The following CACNB2 variants were observed in gnomAD, a reference collection of about 807,000 sequenced individuals.
CACNB2 encodes calcium voltage-gated channel auxiliary subunit beta 2.
In CACNB2, 42 loss-of-function variants were observed where a neutral mutation model predicts 73.3. The observed-to-expected ratio is 0.57, with a 90% confidence interval of 0.45 to 0.74. The LOEUF (loss-of-function observed/expected upper bound fraction) is 0.74, where lower values mean the gene tolerates loss of function less well. Among genes scored for constraint, CACNB2 ranks in the 30% least tolerant of loss-of-function variants. The pLI is 0.00. For synonymous variants in CACNB2, 348 were observed against 310.3 expected, an observed-to-expected ratio of 1.12 and a Z score of -1.28; for missense variants, 940 against 853.0, an observed-to-expected ratio of 1.10 and a Z score of -1.27.
chr10:18,374,849 C>G (rs1420549075), intron 2 of CACNB2, among the ~76,000 whole-genome samples: 1 of 152,122 alleles, frequency 6.6e-6, no homozygotes, highest in Non-Finnish European at 1.5e-5. Context: ...GATAAAGAAA[C>G]TCAGCCTTAG....
At chr10:18,464,201 C>G (rs1203692960) in intron 3 of CACNB2, among the ~76,000 whole-genome samples, 1 of 150,404 alleles carries the variant, frequency 6.6e-6, no homozygotes, top group Admixed American at 6.7e-5. Context: ...TAGGGACAGA[C>G]AGACTCCTAT....
chr10:18,538,887 T>G (rs1018481169), intron 13 of CACNB2, among the ~76,000 whole-genome samples: 1 of 152,092 alleles, frequency 6.6e-6, no homozygotes, highest in Non-Finnish European at 1.5e-5. Flanking sequence ...GCAGAGGTAG[T>G]TAAGTTTACA....
At chr10:18,344,983 G>C (rs865815639) in intron 2 of CACNB2, among the ~76,000 whole-genome samples, 30 of 152,134 alleles carry the variant, frequency 2.0e-4, no homozygotes, top group Admixed American at 6.5e-5. Flanking sequence ...CTTATTTTGA[G>C]ATCACTGTTT....
intron 3 of CACNB2, among the ~76,000 whole-genome samples, chr10:18,413,807 A>C (rs952218436): frequency 6.6e-6 from 1 of 152,148 alleles, no homozygotes; most frequent in South Asian, 2.1e-4. Context: ...TTCCAGTGAT[A>C]ATTGAATAAG....
intron 3 of CACNB2, among the ~76,000 whole-genome samples, chr10:18,461,783 T>TTTTTTTTTTTG (rs1170783661): frequency 4.0e-5 from 6 of 148,722 alleles, no homozygotes; most frequent in African/African-American, 1.5e-4. Context: ...TTTTTTTTTT[T>TTTTTTTTTTTG]TTTGGCGTTG....
intron 2 of CACNB2, among the ~76,000 whole-genome samples, chr10:18,290,112 C>CTTTTTTTTTTTTTT (rs992393946): frequency 0.02 from 1,010 of 50,230 alleles, 64 homozygotes; most frequent in Non-Finnish European, 0.028. Context: ...TTTTCTTTTT[C>CTTTTTTTTTTTTTT]TTTTTTTTTT....
At chr10:18,395,906 T>G (rs1056292883) in intron 2 of CACNB2, among the ~76,000 whole-genome samples, 6 of 152,216 alleles carry the variant, frequency 3.9e-5, no homozygotes, top group African/African-American at 1.4e-4. Flanking sequence ...GCACGCTATG[T>G]CATTTTTCAG....
Position 18,233,451 on chromosome 10 carries a change from TTCTC to T in CACNB2, c.213+82486_213+82489del, listed in dbSNP as rs1295412928. ...TAGTCTCTAGTGGAAACATCTTTTT[TTCTC>T]TCTCTCTCTATTGCTCTGCTAGCTA... is the stretch of plus-strand genomic sequence containing the variant. On this transcript the variant is annotated intron_variant, in intron 2 of 13. Coordinates refer to ENST00000324631, the MANE Select transcript of CACNB2 (RefSeq NM_201596.3). Among the ~76,000 whole-genome samples the T allele has an allele frequency of 3.3e-5, 5 of 151,966 alleles. No homozygotes were observed. The South Asian group carries it at 1.0e-3, about 32-fold the overall frequency.
intron 2 of CACNB2, among the ~76,000 whole-genome samples, chr10:18,285,474 A>G (rs183269382): frequency 5.5e-4 from 84 of 152,326 alleles, no homozygotes; most frequent in African/African-American, 1.9e-3. Context: ...GTGAGCCATC[A>G]TGGATGTCCA....
chr10:18,370,033 A>G (rs1324624940), intron 2 of CACNB2, among the ~76,000 whole-genome samples: 2 of 152,238 alleles, frequency 1.3e-5, no homozygotes, highest in African/African-American at 4.8e-5. Context: ...TTTGGCATGC[A>G]CTAGTCAACA....
chr10:18,364,300 ATTT>A (rs10611857), intron 2 of CACNB2, among the ~76,000 whole-genome samples: 95 of 145,296 alleles, frequency 6.5e-4, no homozygotes, highest in East Asian at 5.0e-3. Context: ...TTTTTAACTA[ATTT>A]TTTTTTTTTT....
At chr10:18,155,054 T>C (rs2031931779) in intron 2 of CACNB2, among the ~76,000 whole-genome samples, 1 of 152,226 alleles carries the variant, frequency 6.6e-6, no homozygotes, top group Non-Finnish European at 1.5e-5. Context: ...ATCAACCTTC[T>C]TATTGATCAT....
At chr10:18,438,194 T>TTTC in intron 3 of CACNB2, among the ~76,000 whole-genome samples, 1 of 145,752 alleles carries the variant, frequency 6.9e-6, no homozygotes, top group African/African-American at 2.5e-5. Flanking sequence ...TTTTTTTTTT[T>TTTC]TTTTTTTTGT....
chr10:18,376,851 T>A (rs1487113807), intron 2 of CACNB2, among the ~76,000 whole-genome samples: 1 of 152,200 alleles, frequency 6.6e-6, no homozygotes, highest in Admixed American at 6.5e-5. Flanking sequence ...TGGTTTATAG[T>A]CATGCTGACC....
chr10:18,505,542 G>A (rs562267711), intron 5 of CACNB2, among the ~76,000 whole-genome samples: 8 of 152,038 alleles, frequency 5.3e-5, no homozygotes, highest in East Asian at 3.9e-4. Flanking sequence ...TAATATTTAC[G>A]TAAGTAAATA....
Position 18,541,345 on chromosome 10 carries a change from G to A in CACNB2, c.*1621G>A, listed in dbSNP as rs1177725127. ...GACATGTACACAGAAGGGGAACCTT[G>A]AAGACATTATCTCCATGCCTCAATT... is the stretch of plus-strand genomic sequence containing the variant. On this transcript the variant is annotated 3_prime_UTR_variant, in exon 14 of 14. Transcript: ENST00000324631. The A allele has an allele frequency of 6.6e-6, 1 of 152,558 alleles. No individual in the cohort carries two copies. The highest frequency in any genetic ancestry group is 1.5e-5 in the Non-Finnish European group (1 of 68,026). The allele number at this position is 152,558 out of a possible 1,614,324, so 9.5% of individuals were successfully genotyped here.
intron 2 of CACNB2, among the ~76,000 whole-genome samples, chr10:18,192,791 C>T (rs139295368): frequency 1.3e-5 from 2 of 152,050 alleles, no homozygotes; most frequent in African/African-American, 4.8e-5. Context: ...TTTTAAAGGA[C>T]CACCCACATT....
At chr10:18,159,953 G>T (rs1024600721) in intron 2 of CACNB2, among the ~76,000 whole-genome samples, 45 of 151,936 alleles carry the variant, frequency 3.0e-4, no homozygotes, top group Non-Finnish European at 1.2e-4. Flanking sequence ...GAGTCTGTTT[G>T]GTGTCCTAAG....
intron 1 of CACNB2, among the ~76,000 whole-genome samples, chr10:18,145,831 C>T (rs1325169459): frequency 6.6e-6 from 1 of 152,176 alleles, no homozygotes; most frequent in Non-Finnish European, 1.5e-5. Context: ...CCGGGCCTGT[C>T]TTACTGATCT....
Sources: allele counts gnomAD v4.1 joint callset (sites outside exome capture counted in the v4.1 genomes callset), GRCh38; gene constraint gnomAD v4.1.1; transcripts MANE v1.5; gene names NCBI Gene and HGNC (gene_info 2026-07-23, HGNC 2026-07-21).